NGRN: variants seen among roughly 807,000 people sequenced by gnomAD.
The protein encoded by NGRN is neugrin, neurite outgrowth associated.
NGRN carries 12 observed loss-of-function variants against 13.1 expected under a neutral mutation model. The ratio of observed to expected loss-of-function variants is 0.92; its 90% confidence interval spans 0.59 to 1.49. The LOEUF (loss-of-function observed/expected upper bound fraction) is 1.49. NGRN is among the 40% of genes most tolerant of loss of function. The pLI, the probability that NGRN is intolerant of heterozygous loss-of-function variation, is 0.00. For missense variants in NGRN, 397 were observed against 357.0 expected (o/e 1.11, Z -0.90); for synonymous variants, 149 against 145.8 (o/e 1.02, Z -0.16).
chr15:90,267,184 A>G (rs1028935161), intron 2 of NGRN, among the ~76,000 whole-genome samples: 1 of 152,098 alleles, frequency 6.6e-6, no homozygotes, highest in Admixed American at 6.5e-5. Flanking sequence ...GGTGCATGCC[A>G]CCATGCTTGG....
Position 90,271,370 on chromosome 15 carries a change from T to C in NGRN, c.458T>C (p.Leu153Pro). Residue 153 changes from leucine to proline, a missense_variant, in exon 3 of 3, where the codon CTC becomes CCC. By Grantham distance (98) the Leu-to-Pro change is moderately conservative (BLOSUM62 -3). Transcript: ENST00000379095. ...GGGCTTGCCCACTCGCTGCAGCACC[T>C]CCGGGGCTCTGGAAATACCTCAAAG... The part of the protein sequence containing the change: ...KAGLAHSLQH[L>P]RGSGNTSKLL... 2 of 1,613,980 alleles carry C rather than the reference T, an allele frequency of 1.2e-6. No homozygotes were observed. The highest frequency in any genetic ancestry group is 1.7e-6 in the Non-Finnish European group (2 of 1,180,018).
chr15:90,267,752 C>T (rs1290287346), intron 2 of NGRN, among the ~76,000 whole-genome samples: 1 of 152,238 alleles, frequency 6.6e-6, no homozygotes, highest in Non-Finnish European at 1.5e-5. Flanking sequence ...TATCATTCTG[C>T]ATACCTGCCA....
At position 90,271,343 on chromosome 15, in the gene NGRN, C is replaced by G; in HGVS notation, c.431C>G (p.Ala144Gly). 1 of 1,614,088 alleles carries G rather than the reference C, an allele frequency of 6.2e-7. No individual in the cohort carries two copies. The highest frequency in any genetic ancestry group is 8.5e-7 in the Non-Finnish European group (1 of 1,180,026). ...LKQDQKVLKK[A>G]GLAHSLQHLR... ...CAGGATCAAAAAGTCCTTAAGAAAG[C>G]TGGGCTTGCCCACTCGCTGCAGCAC... Residue 144 changes from alanine (A) to glycine (G), a missense_variant, in exon 3 of 3, where the codon GCT becomes GGT. Ala to Gly is a moderately conservative substitution (Grantham distance 60). Coordinates refer to ENST00000379095, the MANE Select transcript of NGRN (RefSeq NM_001033088.3).
chr15:90,265,844 G>A lies in NGRN; in HGVS notation c.132G>A (p.Glu44=). The change falls in exon 1 of 3, where the codon GAG becomes GAA. Residue 44 remains glutamate (E), a synonymous_variant. Transcript: ENST00000379095. The part of the protein sequence containing the change: ...GREPDPDSDW[E]PEERELQEVE... ...AGCCGGACCCCGATTCCGACTGGGA[G>A]CCGGAGGAACGGGAGCTGCAGGAGG... The A allele has an allele frequency of 6.2e-7, 1 of 1,607,128 alleles. No homozygotes were observed. Among genetic ancestry groups the A allele is most frequent in the Non-Finnish European group, 8.5e-7 (1 of 1,176,952 alleles).
rs779639464 is a variant in NGRN, at chr15:90,271,837, T to C, written c.*49T>C. The C allele has an allele frequency of 1.9e-6, 3 of 1,592,782 alleles. No homozygotes were observed. Among genetic ancestry groups the C allele is most frequent in the Non-Finnish European group, 2.6e-6 (3 of 1,168,814 alleles). The stretch of plus-strand genomic sequence containing the variant: ...GCCTCGTGAAACACAGCTGGGCAAG[T>C]ATTAATGTATATGGAACAGCCTGGA... On this transcript the variant is annotated 3_prime_UTR_variant, in exon 3 of 3. Coordinates refer to ENST00000379095, the MANE Select transcript of NGRN (RefSeq NM_001033088.3).
chr15:90,271,142 TAGG>T (rs1963495349), intron 2 of NGRN, 43 bp from the exon 3 acceptor site: 1 of 1,579,504 alleles, frequency 6.3e-7, no homozygotes. Context: ...GATGTTCTGA[TAGG>T]AGACTTCTTC....
chr15:90,265,930 C>T (rs961786438), intron 1 of NGRN, 54 bp downstream of exon 1: 1 of 1,434,802 alleles, frequency 7.0e-7, no homozygotes, highest in Non-Finnish European at 9.1e-7. Flanking sequence ...TGCCCCGGCG[C>T]TCCAGGCCGC....
chr15:90,265,760 C>A lies in NGRN; in HGVS notation c.48C>A (p.Ala16=), dbSNP rs375518801. The change falls in exon 1 of 3, where the codon GCC becomes GCA. Residue 16 remains alanine (A), a synonymous_variant. Transcript: ENST00000379095. ...SLLLGGRVCA[A]VTRCGFATRG... Reference sequence around the variant, plus strand: ...TGCTGGGCGGGCGCGTTTGCGCCGCCGTCACTCGCTGTGGGTTCGCGACCC... The same window carrying A: ...TGCTGGGCGGGCGCGTTTGCGCCGCAGTCACTCGCTGTGGGTTCGCGACCC... 30 of 1,613,124 alleles carry A rather than the reference C, an allele frequency of 1.9e-5. No homozygotes were observed. The highest frequency in any genetic ancestry group is 2.5e-5 in the Non-Finnish European group (30 of 1,179,866).
chr15:90,272,016 TC>T lies in NGRN; in HGVS notation c.*229del. The stretch of plus-strand genomic sequence containing the variant: ...CAGTACTCACTCTTCTTGCTTAGGC[TC>T]TCTGTGTGTTGAAAGCCATCCCGTG... On this transcript the variant is annotated 3_prime_UTR_variant, in exon 3 of 3. Transcript: ENST00000379095. 3.7e-6 allele frequency: 2 copies of T among 539,572 alleles called. No individual in the cohort carries two copies. The highest frequency in any genetic ancestry group is 6.5e-6 in the Non-Finnish European group (2 of 308,392). 33.4% of individuals were successfully genotyped at this position (539,572 alleles called of 1,614,324 possible). A position where few individuals can be genotyped will look rare whatever the true frequency, so the allele number is the denominator to read the frequency against.
chr15:90,270,252 T>G (rs540196439), intron 2 of NGRN, among the ~76,000 whole-genome samples: 2 of 152,318 alleles, frequency 1.3e-5, no homozygotes, highest in East Asian at 3.9e-4. Context: ...TTTCCTTGAC[T>G]TGCTGTTGCC....
chr15:90,269,974 C>T (rs1044950658), intron 2 of NGRN, among the ~76,000 whole-genome samples: 1 of 152,184 alleles, frequency 6.6e-6, no homozygotes, highest in African/African-American at 2.4e-5. Flanking sequence ...CTGTCTCACT[C>T]GAGACTATCT....
intron 2 of NGRN, among the ~76,000 whole-genome samples, chr15:90,268,968 T>G (rs1352551640): frequency 4.2e-5 from 4 of 95,224 alleles, no homozygotes; most frequent in African/African-American, 1.2e-4. Flanking sequence ...CCATTATTTA[T>G]TTATTGATTG....
At chr15:90,265,957 G>T (rs1446302984) in intron 1 of NGRN, 81 bp downstream of exon 1, 4 of 1,428,040 alleles carry the variant, frequency 2.8e-6, no homozygotes, top group Middle Eastern at 2.6e-4. Flanking sequence ...TTGGCGCCGG[G>T]TGTCCTGCCG....
intron 2 of NGRN, among the ~76,000 whole-genome samples, chr15:90,268,244 C>G (rs183972391): frequency 3.2e-4 from 49 of 152,084 alleles, no homozygotes; most frequent in Non-Finnish European, 5.3e-4. Context: ...CTCAGGTGAT[C>G]CACCCACCTC....
chr15:90,271,226 C>T lies in NGRN; in HGVS notation c.314C>T (p.Pro105Leu). 2.5e-6 allele frequency: 4 copies of T among 1,614,096 alleles called. No individual in the cohort carries two copies. Among genetic ancestry groups the T allele is most frequent in the Non-Finnish European group, 3.4e-6 (4 of 1,180,020 alleles). The change falls in exon 3 of 3, where the codon CCC becomes CTC. Residue 105 changes from proline to leucine, a missense_variant. Physicochemically the swap from Pro to Leu is moderately conservative, Grantham distance 98. Coordinates refer to ENST00000379095, the MANE Select transcript of NGRN (RefSeq NM_001033088.3). ...HEEFPESWSV[P>L]RLAEGFDVST... ...GAATTTCCAGAGTCCTGGTCAGTTC[C>T]CAGGTTGGCTGAAGGCTTTGATGTC... is the stretch of plus-strand genomic sequence containing the variant.
rs1193439022 is a variant in NGRN, at chr15:90,271,624, T to C, written c.712T>C (p.Ser238Pro). 2 of 1,614,194 alleles carry C rather than the reference T, an allele frequency of 1.2e-6. No homozygotes were observed. The highest frequency in any genetic ancestry group is 3.3e-5 in the Admixed American group (2 of 60,012). The change falls in exon 3 of 3, where the codon TCC becomes CCC. Residue 238 changes from serine to proline, a missense_variant. By Grantham distance (74) the Ser-to-Pro change is moderately conservative. Transcript: ENST00000379095. ...TCATCCAAGAGAGCTGCAGAAGTACTCCAGTGATTCTGAGAGCCCCAGAGG... is the reference window on the plus strand; with the variant it reads ...TCATCCAAGAGAGCTGCAGAAGTACCCCAGTGATTCTGAGAGCCCCAGAGG... ...LGHPRELQKY[S>P]SDSESPRGTG...
At chr15:90,266,543 T>A in intron 2 of NGRN, 145 bp downstream of exon 2, 1 of 647,456 alleles carries the variant, frequency 1.5e-6, no homozygotes, top group Non-Finnish European at 2.7e-6. Flanking sequence ...AAAAGTAGAG[T>A]AATATAACGA....
intron 2 of NGRN, among the ~76,000 whole-genome samples, chr15:90,267,795 G>T (rs141477589): frequency 6.6e-6 from 1 of 152,216 alleles, no homozygotes; most frequent in Admixed American, 6.5e-5. Context: ...CCAGAAGTAA[G>T]GTTGCCAGGT....
At chr15:90,270,410 C>T (rs1350560260) in intron 2 of NGRN, among the ~76,000 whole-genome samples, 1 of 152,216 alleles carries the variant, frequency 6.6e-6, no homozygotes, top group Non-Finnish European at 1.5e-5. Flanking sequence ...TCTCTCCTCC[C>T]TTCTGCCAGC....
Sources: allele counts gnomAD v4.1 joint callset (sites outside exome capture counted in the v4.1 genomes callset), GRCh38; gene constraint gnomAD v4.1.1; transcripts MANE v1.5; gene names NCBI Gene and HGNC (gene_info 2026-07-23, HGNC 2026-07-21).